Variants in LHFPL6 observed in about 807,000 individuals in gnomAD.
LHFPL6 encodes LHFPL tetraspan subfamily member 6 protein.
Under a neutral mutation model 20.6 loss-of-function variants are expected in LHFPL6, and 9 were observed. That is an observed-to-expected ratio of 0.44 (90% CI 0.26 to 0.76). The LOEUF is 0.76. LHFPL6 is among the 30% of genes least tolerant of loss of function. The pLI is 0.20. For synonymous variants in LHFPL6, 105 were observed against 98.7 expected (o/e 1.06, Z -0.38); for missense variants, 218 against 253.5 (o/e 0.86, Z 0.95).
At chr13:39,553,821 AACATC>A (rs1871217891) in intron 2 of LHFPL6, among the ~76,000 whole-genome samples, 1 of 152,230 alleles carries the variant, frequency 6.6e-6, no homozygotes, top group Non-Finnish European at 1.5e-5. Context: ...CAGATAGTGG[AACATC>A]ATTCCAGCTG....
intron 2 of LHFPL6, among the ~76,000 whole-genome samples, chr13:39,407,996 C>T (rs1019463227): frequency 1.2e-4 from 19 of 152,184 alleles, no homozygotes; most frequent in African/African-American, 4.6e-4. Flanking sequence ...TTCTGCATAA[C>T]AGCGTAACCA....
chr13:39,565,184 A>G (rs374919717), intron 2 of LHFPL6, among the ~76,000 whole-genome samples: 9 of 134,218 alleles, frequency 6.7e-5, no homozygotes, highest in African/African-American at 2.6e-4. Flanking sequence ...GAGGACAATA[A>G]GCCAAGAAAG....
At chr13:39,550,344 T>G (rs1164146088) in intron 2 of LHFPL6, among the ~76,000 whole-genome samples, 1 of 152,042 alleles carries the variant, frequency 6.6e-6, no homozygotes, top group Non-Finnish European at 1.5e-5. Context: ...GGGTTACACA[T>G]TTGTACGTGC....
intron 2 of LHFPL6, among the ~76,000 whole-genome samples, chr13:39,448,368 T>C (rs906393739): frequency 6.6e-6 from 1 of 152,120 alleles, no homozygotes; most frequent in African/African-American, 2.4e-5. Context: ...TACTGCACAT[T>C]TATTCATCAG....
chr13:39,485,925 G>A (rs994370029), intron 2 of LHFPL6, among the ~76,000 whole-genome samples: 4 of 152,022 alleles, frequency 2.6e-5, no homozygotes, highest in African/African-American at 9.7e-5. Context: ...ACTATCCAAA[G>A]CACCTTGCAA....
chr13:39,575,921 T>C (rs985479006), intron 2 of LHFPL6, among the ~76,000 whole-genome samples: 3 of 152,216 alleles, frequency 2.0e-5, no homozygotes, highest in Admixed American at 2.0e-4. Flanking sequence ...TACTTTCAAA[T>C]GTGTGGAGAC....
At chr13:39,500,714 C>A (rs1242792087) in intron 2 of LHFPL6, among the ~76,000 whole-genome samples, 2 of 152,052 alleles carry the variant, frequency 1.3e-5, no homozygotes, top group Admixed American at 1.3e-4. Flanking sequence ...GTTCTCAAAC[C>A]TTTTAAAATG....
chr13:39,478,933 C>A (rs1868399504), intron 2 of LHFPL6, among the ~76,000 whole-genome samples: 1 of 151,594 alleles, frequency 6.6e-6, no homozygotes, highest in Admixed American at 6.6e-5. Context: ...TAATGAATCT[C>A]TTTATCCATA....
At chr13:39,555,164 C>G (rs1871267790) in intron 2 of LHFPL6, among the ~76,000 whole-genome samples, 1 of 152,178 alleles carries the variant, frequency 6.6e-6, no homozygotes, top group Non-Finnish European at 1.5e-5. Flanking sequence ...CGGAAACTGA[C>G]AAATATGACT....
intron 2 of LHFPL6, among the ~76,000 whole-genome samples, chr13:39,416,922 A>G (rs6563702): frequency 0.49 from 74,786 of 152,008 alleles, 19,593 homozygotes; most frequent in East Asian, 0.76. Context: ...TAATGAATAC[A>G]TCTTGTACAA....
intron 3 of LHFPL6, among the ~76,000 whole-genome samples, chr13:39,348,074 T>A (rs920955892): frequency 6.6e-6 from 1 of 152,168 alleles, no homozygotes; most frequent in Non-Finnish European, 1.5e-5. Context: ...GGGTTGGCTA[T>A]CAGAGGACAA....
rs191409883 is a variant in LHFPL6, at chr13:39,549,442, G to A, written c.385+51390C>T. On this transcript the variant is annotated intron_variant, in intron 2 of 3. Transcript: ENST00000379589. The stretch of plus-strand genomic sequence containing the variant: ...CCCTGAGTGAAATAACGATTTCCTA[G>A]ATACAACACAAAAACCACAATGAAA... Among the ~76,000 whole-genome samples, 856 of 152,116 alleles carry A rather than the reference G, an allele frequency of 5.6e-3. 6 individuals are homozygous for A. The highest frequency in any genetic ancestry group is 0.02 in the African/African-American group (827 of 41,470).
chr13:39,481,955 A>G (rs927134669), intron 2 of LHFPL6, among the ~76,000 whole-genome samples: 2 of 152,142 alleles, frequency 1.3e-5, no homozygotes, highest in Non-Finnish European at 2.9e-5. Context: ...GAGGGAACAG[A>G]TTATAGGGTG....
intron 2 of LHFPL6, among the ~76,000 whole-genome samples, chr13:39,406,454 T>C (rs1490152510): frequency 6.6e-6 from 1 of 152,168 alleles, no homozygotes; most frequent in Non-Finnish European, 1.5e-5. Context: ...AATTTTAAAC[T>C]TATATTTATA....
chr13:39,368,227 AGGGCGAGG>A, intron 3 of LHFPL6, among the ~76,000 whole-genome samples: 1 of 150,962 alleles, frequency 6.6e-6, no homozygotes, highest in Admixed American at 6.6e-5. Context: ...ACTATTTGGG[AGGGCGAGG>A]CAGGAGAATC....
At chr13:39,380,243 G>A (rs761086514) in intron 2 of LHFPL6, among the ~76,000 whole-genome samples, 12 of 152,188 alleles carry the variant, frequency 7.9e-5, no homozygotes, top group African/African-American at 1.4e-4. Context: ...AAGATCTTGT[G>A]AACAATTTTT....
chr13:39,602,022 G>C (rs192350573), intron 1 of LHFPL6, among the ~76,000 whole-genome samples: 2 of 152,276 alleles, frequency 1.3e-5, no homozygotes, highest in South Asian at 2.1e-4. Context: ...AAGAATGCCT[G>C]TGTATGACTT....
chr13:39,360,053 C>T (rs1372772302), intron 3 of LHFPL6, among the ~76,000 whole-genome samples: 5 of 101,380 alleles, frequency 4.9e-5, no homozygotes, highest in African/African-American at 1.4e-4. Flanking sequence ...GACAGTCTCG[C>T]TCTGTCGCCC....
At chr13:39,531,647 G>A (rs768719590) in intron 2 of LHFPL6, among the ~76,000 whole-genome samples, 1 of 152,112 alleles carries the variant, frequency 6.6e-6, no homozygotes, top group Non-Finnish European at 1.5e-5. Flanking sequence ...TCTAAGATCC[G>A]CAGCTTCCCA....
Sources: allele counts gnomAD v4.1 joint callset (sites outside exome capture counted in the v4.1 genomes callset), GRCh38; gene constraint gnomAD v4.1.1; transcripts MANE v1.5; gene names NCBI Gene and HGNC (gene_info 2026-07-23, HGNC 2026-07-21).